The following MGAT4C variants were observed in gnomAD, a reference collection of about 807,000 sequenced individuals.
The protein encoded by MGAT4C is MGAT4 family member C, also known as alpha-1,3-mannosyl-glycoprotein 4-beta-N-acetylglucosaminyltransferase C.
In MGAT4C, 19 loss-of-function variants were observed where a neutral mutation model predicts 40.1. That is an observed-to-expected ratio of 0.47 (90% CI 0.33 to 0.70). The LOEUF is 0.70. Among genes scored for constraint, MGAT4C ranks in the 30% least tolerant of loss-of-function variants. The pLI is 0.02. For synonymous variants in MGAT4C, 181 were observed against 187.1 expected, an observed-to-expected ratio of 0.97 and a Z score of 0.27; for missense variants, 491 against 563.2, an observed-to-expected ratio of 0.87 and a Z score of 1.30.
At chr12:86,166,565 G>A (rs903305778) in intron 1 of MGAT4C, among the ~76,000 whole-genome samples, 16 of 152,080 alleles carry the variant, frequency 1.1e-4, no homozygotes, top group African/African-American at 3.1e-4. Flanking sequence ...TCAGCTACTC[G>A]GGAGGCTGAG....
intron 1 of MGAT4C, among the ~76,000 whole-genome samples, chr12:86,254,188 T>C (rs902085733): frequency 6.6e-6 from 1 of 151,994 alleles, no homozygotes; most frequent in Non-Finnish European, 1.5e-5. Flanking sequence ...GAAATTGCTA[T>C]GATATCATTG....
At chr12:86,677,559 ATTAATATTTTTCTTTACAGAGAATTT>A (rs1292452895) in intron 2 of MGAT4C, among the ~76,000 whole-genome samples, 1 of 152,176 alleles carries the variant, frequency 6.6e-6, no homozygotes, top group Non-Finnish European at 1.5e-5. Flanking sequence ...CTTTTAAAAC[ATTAATATTTTTCTTTACAGAGAATTT>A]ACTGAGGAAT....
rs79628726 is a variant in MGAT4C at position 86,117,921 on chromosome 12, G to T, written c.-56-68198C>A. Reference sequence around the variant, plus strand: ...TGACTAATGGGTCATGATGTTCCTAGTGGTAAGAGAGACGAATAGCTGCCT... The same window carrying T: ...TGACTAATGGGTCATGATGTTCCTATTGGTAAGAGAGACGAATAGCTGCCT... On this transcript the variant is annotated intron_variant, in intron 1 of 4. Transcript: ENST00000611864. Among the ~76,000 whole-genome samples the T allele has an allele frequency of 5.3e-3, 810 of 152,260 alleles. 7 individuals are homozygous for T. Among genetic ancestry groups the T allele is most frequent in the African/African-American group, 0.019 (772 of 41,548 alleles).
chr12:86,607,211 T>A (rs1461612660), intron 2 of MGAT4C, among the ~76,000 whole-genome samples: 2 of 152,022 alleles, frequency 1.3e-5, no homozygotes, highest in African/African-American at 4.8e-5. Flanking sequence ...CTACCACTCA[T>A]AATGTATATA....
chr12:86,327,172 C>T (rs896673250), intron 4 of MGAT4C, among the ~76,000 whole-genome samples: 8 of 152,054 alleles, frequency 5.3e-5, no homozygotes, highest in Non-Finnish European at 1.2e-4. Context: ...TACTTTGTTT[C>T]CCAGGAACTG....
intron 2 of MGAT4C, among the ~76,000 whole-genome samples, chr12:86,700,990 A>C (rs1050827935): frequency 6.6e-6 from 1 of 152,154 alleles, no homozygotes; most frequent in Admixed American, 6.6e-5. Context: ...AAATGCAATA[A>C]GAAAAAATAT....
intron 2 of MGAT4C, among the ~76,000 whole-genome samples, chr12:86,707,859 C>T (rs1950489734): frequency 6.6e-6 from 1 of 152,102 alleles, no homozygotes; most frequent in Non-Finnish European, 1.5e-5. Flanking sequence ...AGCAGCAAAA[C>T]ATTCAAGATG....
At chr12:86,691,800 T>A (rs1325008903) in intron 2 of MGAT4C, among the ~76,000 whole-genome samples, 1 of 152,020 alleles carries the variant, frequency 6.6e-6, no homozygotes, top group Non-Finnish European at 1.5e-5. Flanking sequence ...TTATAGGAAA[T>A]CTAAATGATA....
intron 2 of MGAT4C, among the ~76,000 whole-genome samples, chr12:86,537,671 G>A (rs1959098214): frequency 6.6e-6 from 1 of 152,102 alleles, no homozygotes; most frequent in African/African-American, 2.4e-5. Flanking sequence ...AATATTTGTT[G>A]AGTGAACGCC....
intron 1 of MGAT4C, among the ~76,000 whole-genome samples, chr12:86,078,572 G>T (rs1870222474): frequency 6.6e-6 from 1 of 152,218 alleles, no homozygotes; most frequent in African/African-American, 2.4e-5. Context: ...CCACCAGGTA[G>T]TTGGCTTGTC....
rs547286626 is a variant in MGAT4C at position 86,266,430 on chromosome 12, G to A, written c.-57+67635C>T. Among the ~76,000 whole-genome samples the A allele has an allele frequency of 3.9e-5, 6 of 152,226 alleles. No homozygotes were observed. The East Asian group carries it at 1.2e-3, about 29-fold the overall frequency. ...TTGTCCTTCATTCTGTTTATATACT[G>A]TATCATATTTACTGGTCAGCATATG... On this transcript the variant is annotated intron_variant, in intron 4 of 7. Coordinates refer to the MGAT4C transcript ENST00000548651.
chr12:86,667,910 T>C (rs935931722), intron 2 of MGAT4C, among the ~76,000 whole-genome samples: 2 of 152,212 alleles, frequency 1.3e-5, no homozygotes, highest in African/African-American at 4.8e-5. Context: ...GCTAGAAATA[T>C]GTGGAAGCAA....
chr12:86,100,432 A>G (rs1322382097), intron 1 of MGAT4C, among the ~76,000 whole-genome samples: 1 of 151,492 alleles, frequency 6.6e-6, no homozygotes, highest in East Asian at 1.9e-4. Flanking sequence ...TTTTACATCA[A>G]CATTCAAGGT....
intron 2 of MGAT4C, among the ~76,000 whole-genome samples, chr12:86,602,582 C>G (rs1285356313): frequency 6.6e-6 from 1 of 151,928 alleles, no homozygotes; most frequent in African/African-American, 2.4e-5. Flanking sequence ...ACTGATATAC[C>G]AGTATGTTAT....
At chr12:86,809,452 T>C (rs1402280063) in intron 1 of MGAT4C, among the ~76,000 whole-genome samples, 3 of 152,026 alleles carry the variant, frequency 2.0e-5, no homozygotes, top group Admixed American at 1.3e-4. Flanking sequence ...TTACAAGAAA[T>C]TGACAAATTG....
intron 2 of MGAT4C, among the ~76,000 whole-genome samples, chr12:86,536,705 C>A (rs1212921632): frequency 6.6e-6 from 1 of 152,126 alleles, no homozygotes; most frequent in Non-Finnish European, 1.5e-5. Flanking sequence ...CAGCAGAGAC[C>A]TGCCATACAC....
chr12:86,340,400 C>T (rs563695717), intron 3 of MGAT4C, among the ~76,000 whole-genome samples: 2 of 151,962 alleles, frequency 1.3e-5, no homozygotes, highest in East Asian at 3.9e-4. Flanking sequence ...AGCTTGAAAG[C>T]CTATATTCAA....
intron 1 of MGAT4C, among the ~76,000 whole-genome samples, chr12:86,113,957 T>C (rs1260059925): frequency 6.6e-6 from 1 of 151,844 alleles, no homozygotes; most frequent in African/African-American, 2.4e-5. Context: ...TAAAATACAA[T>C]AGAAATCTTA....
chr12:86,337,309 G>A (rs191744147), intron 3 of MGAT4C, among the ~76,000 whole-genome samples: 1 of 152,138 alleles, frequency 6.6e-6, no homozygotes, highest in East Asian at 1.9e-4. Flanking sequence ...TTTAAAGTTG[G>A]GAAGTGGCTG....
Sources: gnomAD v4.1 joint callset for allele counts (sites outside exome capture counted in the v4.1 genomes callset) on GRCh38, gnomAD v4.1.1 for gene constraint, MANE v1.5 for transcripts, NCBI Gene and HGNC (gene_info 2026-07-23, HGNC 2026-07-21) for gene names.